The following UBXN4 variants were observed in gnomAD, a reference collection of about 807,000 sequenced individuals.
UBXN4 encodes the protein UBX domain protein 4.
A neutral mutation model predicts 66.2 loss-of-function variants in UBXN4; 35 were observed. That is an observed-to-expected ratio of 0.53 (90% CI 0.40 to 0.70). The LOEUF (loss-of-function observed/expected upper bound fraction) is 0.70. Among genes scored for constraint, UBXN4 ranks in the 30% least tolerant of loss-of-function variants. The pLI, the probability that UBXN4 is intolerant of heterozygous loss-of-function variation, is 0.00. For missense variants in UBXN4, 533 were observed against 599.8 expected (o/e 0.89, Z 1.16); for synonymous variants, 203 against 204.5 (o/e 0.99, Z 0.06).
At chr2:135,745,032 G>A (rs910249498) in intron 1 of UBXN4, among the ~76,000 whole-genome samples, 2 of 152,166 alleles carry the variant, frequency 1.3e-5, no homozygotes, top group Admixed American at 6.6e-5. Flanking sequence ...CTCACAAGAA[G>A]CAAGATTTAT....
intron 1 of UBXN4, among the ~76,000 whole-genome samples, chr2:135,745,687 T>C (rs1315453505): frequency 6.6e-6 from 1 of 152,054 alleles, no homozygotes; most frequent in Admixed American, 6.6e-5. Context: ...TTATTTTTCT[T>C]TGGTAGGTGA....
At chr2:135,776,694 A>G (rs543926504) in intron 10 of UBXN4, among the ~76,000 whole-genome samples, 12 of 152,296 alleles carry the variant, frequency 7.9e-5, no homozygotes, top group African/African-American at 2.4e-4. Flanking sequence ...CCTGGGCTCA[A>G]GCGACCCTCC....
chr2:135,758,354 A>G (rs6707289), intron 5 of UBXN4, among the ~76,000 whole-genome samples: 20,186 of 151,826 alleles, frequency 0.13, 1,640 homozygotes, highest in South Asian at 0.29. Flanking sequence ...GATTATAGGT[A>G]TGAGCCACCA....
At chr2:135,748,509 C>T (rs866656817) in intron 2 of UBXN4, 140 bp downstream of exon 2, 4 of 494,054 alleles carry the variant, frequency 8.1e-6, no homozygotes, top group African/African-American at 2.0e-5. Flanking sequence ...GTGGGAGGAT[C>T]GCTTGAGCCC....
intron 1 of UBXN4, among the ~76,000 whole-genome samples, chr2:135,743,314 T>A (rs1409073606): frequency 6.6e-6 from 1 of 152,204 alleles, no homozygotes; most frequent in Non-Finnish European, 1.5e-5. Flanking sequence ...TATATTATAC[T>A]TTACATAAAT....
intron 11 of UBXN4, among the ~76,000 whole-genome samples, chr2:135,779,317 G>A (rs1475306132): frequency 8.4e-5 from 1 of 11,912 alleles, no homozygotes. Context: ...ACATATTTTT[G>A]TGTACAAAAA....
Position 135,769,820 on chromosome 2 carries a change from A to G in UBXN4, c.654A>G (p.Glu218=). Residue 218 remains glutamate (E), a synonymous_variant, in exon 7 of 13, where the codon GAA becomes GAG. Transcript: ENST00000272638. ...ERREEKRKEE[E]QREIKKEIER... ...GAGAAGAGAAAAGAAAAGAGGAAGA[A>G]CAGGTAAAGTTCATGCAGTTAGCAT... 1 of 1,600,112 alleles carries G rather than the reference A, an allele frequency of 6.2e-7. No individual in the cohort carries two copies. Among genetic ancestry groups the G allele is most frequent in the Admixed American group, 1.8e-5 (1 of 57,062 alleles).
At chr2:135,763,889 CTGAGATGGG>C (rs1400282488) in intron 6 of UBXN4, among the ~76,000 whole-genome samples, 1 of 152,038 alleles carries the variant, frequency 6.6e-6, no homozygotes, top group Non-Finnish European at 1.5e-5. Context: ...CTTTGAGAGG[CTGAGATGGG>C]TGGATCATTT....
intron 8 of UBXN4, among the ~76,000 whole-genome samples, chr2:135,771,153 A>C (rs995167706): frequency 2.0e-5 from 3 of 152,016 alleles, no homozygotes; most frequent in Non-Finnish European, 2.9e-5. Flanking sequence ...GTTTGCAACA[A>C]TTGCTTTTAT....
intron 12 of UBXN4, among the ~76,000 whole-genome samples, chr2:135,781,496 T>C (rs1037358818): frequency 6.6e-6 from 1 of 152,224 alleles, no homozygotes; most frequent in South Asian, 2.1e-4. Flanking sequence ...TGATAAGTAA[T>C]AGAAATTCTT....
intron 6 of UBXN4, among the ~76,000 whole-genome samples, chr2:135,762,265 G>A (rs1158819943): frequency 6.6e-6 from 1 of 152,180 alleles, no homozygotes; most frequent in Admixed American, 6.5e-5. Context: ...ACTATGTACT[G>A]AGCTTAAGTT....
chr2:135,745,560 C>T (rs2077202333), intron 1 of UBXN4, among the ~76,000 whole-genome samples: 1 of 151,948 alleles, frequency 6.6e-6, no homozygotes, highest in Admixed American at 6.6e-5. Flanking sequence ...CAGTTCAATG[C>T]CTAGAACAAA....
At chr2:135,775,797 C>T (rs1046249242) in intron 9 of UBXN4, among the ~76,000 whole-genome samples, 6 of 152,108 alleles carry the variant, frequency 3.9e-5, no homozygotes, top group Non-Finnish European at 5.9e-5. Flanking sequence ...GATGGAGTCT[C>T]GCTCTATTGC....
intron 5 of UBXN4, among the ~76,000 whole-genome samples, chr2:135,756,144 A>G (rs1046721917): frequency 1.4e-4 from 22 of 152,228 alleles, no homozygotes; most frequent in African/African-American, 4.8e-4. Context: ...TAGAGCTTGT[A>G]GAAGTAAGAG....
intron 1 of UBXN4, among the ~76,000 whole-genome samples, chr2:135,745,282 C>T (rs1231539683): frequency 1.3e-5 from 2 of 152,170 alleles, no homozygotes; most frequent in Admixed American, 6.5e-5. Flanking sequence ...TCCCTACACA[C>T]GTATTCCTTC....
At chr2:135,773,754 A>AAC in intron 9 of UBXN4, among the ~76,000 whole-genome samples, 1 of 152,364 alleles carries the variant, frequency 6.6e-6, no homozygotes, top group East Asian at 1.9e-4. Flanking sequence ...TTGGACAGTT[A>AAC]ACAAGTAGTA....
chr2:135,759,328 AG>A (rs1303011544), intron 5 of UBXN4, among the ~76,000 whole-genome samples: 1 of 152,184 alleles, frequency 6.6e-6, no homozygotes, highest in Non-Finnish European at 1.5e-5. Flanking sequence ...AAAGCTTAAT[AG>A]TAATCCTTTT....
At chr2:135,762,092 G>C (rs1029488636) in intron 6 of UBXN4, among the ~76,000 whole-genome samples, 181 bp downstream of exon 6, 1 of 152,182 alleles carries the variant, frequency 6.6e-6, no homozygotes, top group Non-Finnish European at 1.5e-5. Context: ...AAGTTTTCAT[G>C]TATGTCTGAA....
At chr2:135,748,839 G>A (rs1443541964) in intron 2 of UBXN4, among the ~76,000 whole-genome samples, 1 of 151,850 alleles carries the variant, frequency 6.6e-6, no homozygotes, top group African/African-American at 2.4e-5. Flanking sequence ...AGACCAGTCT[G>A]GGCAACACAG....
Sources: allele counts gnomAD v4.1 joint callset (sites outside exome capture counted in the v4.1 genomes callset), GRCh38; gene constraint gnomAD v4.1.1; transcripts MANE v1.5; gene names NCBI Gene and HGNC (gene_info 2026-07-23, HGNC 2026-07-21).